The following CACNA1B variants were observed in gnomAD, a reference collection of about 807,000 sequenced individuals.
The protein encoded by CACNA1B is voltage-dependent N-type calcium channel subunit alpha-1B.
In CACNA1B, 70 loss-of-function variants were observed where a neutral mutation model predicts 247.2. That is an observed-to-expected ratio of 0.28 (90% CI 0.23 to 0.35). The LOEUF (loss-of-function observed/expected upper bound fraction) is 0.35, where lower values mean the gene tolerates loss of function less well. Among genes scored for constraint, CACNA1B ranks in the 10% least tolerant of loss-of-function variants. CACNA1B has a pLI of 1.00. For synonymous variants in CACNA1B, 1,231 were observed against 1,294.4 expected, an observed-to-expected ratio of 0.95 and a Z score of 1.05; for missense variants, 2,367 against 3,197.4, an observed-to-expected ratio of 0.74 and a Z score of 6.26.
intron 20 of CACNA1B, among the ~76,000 whole-genome samples, chr9:138,027,053 G>A (rs181043383): frequency 3.3e-5 from 5 of 152,194 alleles, no homozygotes; most frequent in African/African-American, 1.2e-4. Flanking sequence ...TATTTGCCAT[G>A]TGTATAATTT....
At chr9:138,065,666 C>G (rs1959889646) in intron 31 of CACNA1B, among the ~76,000 whole-genome samples, 1 of 152,080 alleles carries the variant, frequency 6.6e-6, no homozygotes, top group South Asian at 2.1e-4. Context: ...CAGCACAATC[C>G]GAAACACAGA....
At chr9:138,024,781 C>T (rs999616247) in intron 19 of CACNA1B, among the ~76,000 whole-genome samples, 174 bp from the exon 20 acceptor site, 2 of 152,172 alleles carry the variant, frequency 1.3e-5, no homozygotes, top group African/African-American at 2.4e-5. Context: ...ACTACATGCA[C>T]GTGTCACCAC....
chr9:137,929,270 C>A lies in CACNA1B; in HGVS notation c.966+11839C>A, dbSNP rs9657709. On this transcript the variant is annotated intron_variant, in intron 6 of 46. Transcript: ENST00000371372. ...GTTGTCTGTCTGAAATTTTAACCAT[C>A]AGGCCAGGAGTGGTGGTTTATGCCT... 9.7e-3 allele frequency among the ~76,000 whole-genome samples: 1,475 copies of A among 152,280 alleles called. 24 individuals are homozygous for A. The highest frequency in any genetic ancestry group is 0.034 in the African/African-American group (1,404 of 41,578).
chr9:138,057,695 G>A lies in CACNA1B; in HGVS notation c.3969-37G>A. 1 of 1,580,544 alleles carries A rather than the reference G, an allele frequency of 6.3e-7. No homozygotes were observed. The highest frequency in any genetic ancestry group is 8.7e-7 in the Non-Finnish European group (1 of 1,155,314). On this transcript the variant is annotated intron_variant, in intron 26 of 46. Transcript: ENST00000371372. This position sits in a 1 kb window ranked among gnomAD's most constrained non-coding sequence, Gnocchi z 4.0. ...ATAGGTGGGTTTATTTGGATCTTTT[G>A]TCTTTGCCCTCTAACCTCCCATGTT...
chr9:138,010,278 G>A lies in CACNA1B; in HGVS notation c.2160+201G>A, dbSNP rs1005859309. 6.6e-6 allele frequency among the ~76,000 whole-genome samples: 1 copy of A among 152,176 alleles called. No homozygotes were observed. The highest frequency in any genetic ancestry group is 1.5e-5 in the Non-Finnish European group (1 of 68,016). On this transcript the variant is annotated intron_variant, in intron 17 of 46. Transcript: ENST00000371372. This position sits in a 1 kb window ranked among gnomAD's most constrained non-coding sequence, Gnocchi z 5.3. ...AGAGCCAAAGCCCCGAAGGCAGATG[G>A]ACAGGCAGGCTCTCAGGGAAGCCAG...
At chr9:138,038,515 G>T (rs1030348088) in intron 20 of CACNA1B, among the ~76,000 whole-genome samples, 3 of 152,220 alleles carry the variant, frequency 2.0e-5, no homozygotes, top group Non-Finnish European at 4.4e-5. Flanking sequence ...CAGGAACCAC[G>T]GGAAGTGCAT....
chr9:138,036,353 A>G (rs951668683), intron 20 of CACNA1B, among the ~76,000 whole-genome samples: 1 of 152,086 alleles, frequency 6.6e-6, no homozygotes, highest in African/African-American at 2.4e-5. Context: ...GTTAGCCAAG[A>G]TGGTCTCGAT....
At position 138,050,207 on chromosome 9, in the gene CACNA1B, A is replaced by G; in HGVS notation, c.3710+892A>G. The stretch of plus-strand genomic sequence containing the variant: ...TCCACTTTCACCCCATCGGGGCTGC[A>G]TGCTGCCGGGAGCCAAGTCCCCGGC... On this transcript the variant is annotated intron_variant, in intron 24 of 46. Coordinates refer to ENST00000371372, the MANE Select transcript of CACNA1B (RefSeq NM_000718.4). This position sits in a 1 kb window ranked among gnomAD's most constrained non-coding sequence, Gnocchi z 5.2. The G allele has an allele frequency of 2.7e-6, 2 of 739,716 alleles. No homozygotes were observed. The highest frequency in any genetic ancestry group is 4.1e-6 in the Non-Finnish European group (2 of 490,308). 45.8% of individuals were successfully genotyped at this position (739,716 alleles called of 1,614,324 possible).
In CACNA1B at chr9:137,954,856, T is replaced by TGTGTGTGTGTGTGTGTGTGTG. The variant is rs1554737971; in HGVS notation, c.1071-842_1071-841insGTGTGTGTGTGTGTGTGTGTG. Among the ~76,000 whole-genome samples the TGTGTGTGTGTGTGTGTGTGTG allele has an allele frequency of 6.6e-5, 8 of 120,942 alleles. No homozygotes were observed. Among genetic ancestry groups the TGTGTGTGTGTGTGTGTGTGTG allele is most frequent in the African/African-American group, 2.0e-4 (5 of 25,258 alleles). The allele number at this position is 120,942 out of a possible 152,430, so 79.3% of individuals were successfully genotyped here. On this transcript the variant is annotated intron_variant, in intron 7 of 46. Transcript: ENST00000371372. This position sits in a 1 kb window ranked among gnomAD's most constrained non-coding sequence, Gnocchi z 4.1. Reference sequence around the variant, plus strand: ...ACACCCACTCCACCAACTCAGAAGCTTGTGTGTGTGTGTGTGTGTGTGTGA... The same window carrying TGTGTGTGTGTGTGTGTGTGTG: ...ACACCCACTCCACCAACTCAGAAGCTGTGTGTGTGTGTGTGTGTGTGTGTGTGTGTGTGTGTGTGTGTGTGA...
At chr9:138,077,976 A>G (rs1227369029) in intron 35 of CACNA1B, 138 bp from the exon 36 acceptor site, 2 of 647,392 alleles carry the variant, frequency 3.1e-6, no homozygotes, top group Non-Finnish European at 5.2e-6. Context: ...AAGAAACAGC[A>G]TCTGTGACCC....
intron 20 of CACNA1B, among the ~76,000 whole-genome samples, chr9:138,033,222 T>A (rs1959005691): frequency 1.3e-5 from 2 of 152,240 alleles, no homozygotes. Flanking sequence ...TTCTGAAGTT[T>A]CCATTTGGTT....
At position 138,057,512 on chromosome 9, in the gene CACNA1B, G is replaced by T. The variant is rs1451362775; in HGVS notation, c.3969-220G>T. ...TTCCTCTAAGTGTTTTATAGTTTTA[G>T]CTCCTTACACTTAGGTCTGGAATCC... On this transcript the variant is annotated intron_variant, in intron 26 of 46. Coordinates refer to ENST00000371372, the MANE Select transcript of CACNA1B (RefSeq NM_000718.4). This position sits in a 1 kb window ranked among gnomAD's most constrained non-coding sequence, Gnocchi z 4.0. 6.6e-6 allele frequency among the ~76,000 whole-genome samples: 1 copy of T among 152,046 alleles called. No individual in the cohort carries two copies. The highest frequency in any genetic ancestry group is 1.5e-5 in the Non-Finnish European group (1 of 68,020).
At chr9:137,902,314 T>A (rs1957249089) in intron 3 of CACNA1B, among the ~76,000 whole-genome samples, 2 of 152,070 alleles carry the variant, frequency 1.3e-5, no homozygotes, top group Admixed American at 1.3e-4. Context: ...AAACTAGGGG[T>A]GGAGTGAGAG....
intron 39 of CACNA1B, among the ~76,000 whole-genome samples, chr9:138,107,562 C>T (rs933095854): frequency 6.6e-6 from 1 of 152,068 alleles, no homozygotes; most frequent in Non-Finnish European, 1.5e-5. Flanking sequence ...TGTGGCCACT[C>T]CTCTCCCTTA....
intron 20 of CACNA1B, among the ~76,000 whole-genome samples, chr9:138,030,862 C>T (rs1401317243): frequency 6.6e-6 from 1 of 152,004 alleles, no homozygotes; most frequent in South Asian, 2.1e-4. Flanking sequence ...CTTATTATCC[C>T]TTTGATGTCT....
Position 137,954,899 on chromosome 9 carries a change from A to T in CACNA1B, c.1071-799A>T, listed in dbSNP as rs1312508557. ...GTGTGTGAGAGAGAGAGAGAGAGAG[A>T]GAGGGGGAGAGAGAGAGAGAGAGAA... On this transcript the variant is annotated intron_variant, in intron 7 of 46. Coordinates refer to ENST00000371372, the MANE Select transcript of CACNA1B (RefSeq NM_000718.4). The surrounding 1 kb of genome is among the most constrained non-coding windows in gnomAD (Gnocchi z 4.1). Among the ~76,000 whole-genome samples the T allele has an allele frequency of 1.8e-5, 2 of 114,102 alleles. No homozygotes were observed. The highest frequency in any genetic ancestry group is 8.5e-4 in the East Asian group (2 of 2,358). 74.9% of individuals were successfully genotyped at this position (114,102 alleles called of 152,430 possible). A position where few individuals can be genotyped will look rare whatever the true frequency, so the allele number is the denominator to read the frequency against.
rs1187281165 is a variant in CACNA1B at position 137,880,225 on chromosome 9, T to C, written c.390+1066T>C. Among the ~76,000 whole-genome samples the C allele has an allele frequency of 6.6e-6, 1 of 151,894 alleles. No homozygotes were observed. Among genetic ancestry groups the C allele is most frequent in the African/African-American group, 2.4e-5 (1 of 41,334 alleles). The stretch of plus-strand genomic sequence containing the variant: ...AGGTGAGGCACCAGGAGGTGAGTTA[T>C]GGGTGGCCGAGGTGAGGAGGTCTTA... On this transcript the variant is annotated intron_variant, in intron 2 of 46. Coordinates refer to ENST00000371372, the MANE Select transcript of CACNA1B (RefSeq NM_000718.4). This position sits in a 1 kb window ranked among gnomAD's most constrained non-coding sequence, Gnocchi z 4.8.
At chr9:137,901,846 C>T (rs1002198591) in intron 3 of CACNA1B, among the ~76,000 whole-genome samples, 1 of 152,000 alleles carries the variant, frequency 6.6e-6, no homozygotes, top group Non-Finnish European at 1.5e-5. Context: ...CCCACGACTA[C>T]ACCTGGGTGA....
intron 25 of CACNA1B, among the ~76,000 whole-genome samples, chr9:138,053,001 T>C (rs879615256): frequency 6.6e-6 from 1 of 152,242 alleles, no homozygotes; most frequent in Admixed American, 6.5e-5. Flanking sequence ...CAGGGAATGC[T>C]GAGCTTCCAG....
Sources: gnomAD v4.1 joint callset for allele counts (sites outside exome capture counted in the v4.1 genomes callset) on GRCh38, gnomAD v4.1.1 for gene constraint, Gnocchi (gnomAD v3.1) non-coding constraint, MANE v1.5 for transcripts, NCBI Gene and HGNC (gene_info 2026-07-23, HGNC 2026-07-21) for gene names.